IFI16: variants seen among roughly 807,000 people sequenced by gnomAD.
IFI16 encodes gamma-interferon-inducible protein 16.
Under a neutral mutation model 68.4 loss-of-function variants are expected in IFI16, and 49 were observed. That is an observed-to-expected ratio of 0.72 (90% confidence interval 0.57 to 0.91). The LOEUF (loss-of-function observed/expected upper bound fraction) is 0.91. Ranked by LOEUF, IFI16 falls within the 40% of genes least tolerant of loss-of-function variation. The pLI is 0.00. For synonymous variants in IFI16, 307 were observed against 315.0 expected, an observed-to-expected ratio of 0.97 and a Z score of 0.27; for missense variants, 878 against 942.9, an observed-to-expected ratio of 0.93 and a Z score of 0.90.
chr1:159,052,974 G>A (rs1655455392), intron 10 of IFI16: 1 of 152,400 alleles, frequency 6.6e-6, no homozygotes, highest in Non-Finnish European at 1.5e-5. Flanking sequence ...TGGTTGTAGA[G>A]TTAATGAATA....
At chr1:159,051,592 A>G (rs1167950827) in intron 9 of IFI16, 87 bp from the exon 10 acceptor site, 1 of 1,040,990 alleles carries the variant, frequency 9.6e-7, no homozygotes, top group East Asian at 2.4e-5. Flanking sequence ...TTGAGGACCA[A>G]CACTGAGGCT....
At chr1:159,008,212 G>C (rs760501028), upstream of IFI16, among the ~76,000 whole-genome samples, 16 of 152,096 alleles carry the variant, frequency 1.1e-4, no homozygotes, top group Non-Finnish European at 8.8e-5. Flanking sequence ...AATAATGCCT[G>C]ATTAATATAA....
At chr1:159,000,596 A>C (rs539668829) in intron 1 of IFI16, among the ~76,000 whole-genome samples, 18 of 152,334 alleles carry the variant, frequency 1.2e-4, no homozygotes, top group Admixed American at 1.3e-4. Context: ...AGAGTTATTC[A>C]GGCATAACTG....
chr1:159,013,851 A>G (rs981233036), intron 1 of IFI16, among the ~76,000 whole-genome samples: 1 of 152,236 alleles, frequency 6.6e-6, no homozygotes, highest in African/African-American at 2.4e-5. Flanking sequence ...CTTATTCAAC[A>G]CTTTCTGAGA....
At chr1:159,022,088 A>T (rs1374890642) in intron 6 of IFI16, among the ~76,000 whole-genome samples, 11 of 150,864 alleles carry the variant, frequency 7.3e-5, no homozygotes, top group African/African-American at 2.7e-4. Context: ...CTCAGCCTCC[A>T]GAGTAGCTGG....
chr1:159,052,115 G>GT lies in IFI16; in HGVS notation c.2085+21dup. On this transcript the variant is annotated intron_variant, in intron 10 of 11. Coordinates refer to ENST00000295809, the MANE Select transcript of IFI16 (RefSeq NM_001376587.1). ...GTACATAAGGTAAGCCCACACCATT[G>GT]TTTTATAAAATTTCTCCTGCAACCT... is the stretch of plus-strand genomic sequence containing the variant. 6.4e-7 allele frequency: 1 copy of GT among 1,571,160 alleles called. No homozygotes were observed. The highest frequency in any genetic ancestry group is 1.9e-5 in the Admixed American group (1 of 53,820).
rs143006683 is a variant in IFI16 at position 159,043,099 on chromosome 1, A to C, written c.1330-2198A>C. Among the ~76,000 whole-genome samples the C allele has an allele frequency of 6.4e-3, 971 of 152,166 alleles. 14 individuals are homozygous for C. Among genetic ancestry groups the C allele is most frequent in the African/African-American group, 0.022 (923 of 41,508 alleles). ...GGCTTTCTACATGTGGGTTTTCTCAATTTTTTAGACAGTCATTTTTTTGGT... is the reference window on the plus strand; with the variant it reads ...GGCTTTCTACATGTGGGTTTTCTCACTTTTTTAGACAGTCATTTTTTTGGT... On this transcript the variant is annotated intron_variant, in intron 7 of 11. Transcript: ENST00000295809.
At position 159,053,147 on chromosome 1, in the gene IFI16, C is replaced by T. The variant is rs74745194; in HGVS notation, c.2086-386C>T. The T allele has an allele frequency of 5.1e-3, 805 of 158,052 alleles. 8 individuals are homozygous for T. The highest frequency in any genetic ancestry group is 0.018 in the African/African-American group (748 of 41,768). The allele number at this position is 158,052 out of a possible 1,614,324, so 9.8% of individuals were successfully genotyped here. ...CGTGCAACATTCTTTCTCAAACTTACAAAGTGCCATAAAAAGCCTCTATTC... is the reference window on the plus strand; with the variant it reads ...CGTGCAACATTCTTTCTCAAACTTATAAAGTGCCATAAAAAGCCTCTATTC... On this transcript the variant is annotated intron_variant, in intron 10 of 11. Coordinates refer to ENST00000295809, the MANE Select transcript of IFI16 (RefSeq NM_001376587.1).
At chr1:159,050,138 T>A (rs1236828050) in intron 9 of IFI16, among the ~76,000 whole-genome samples, 1 of 152,192 alleles carries the variant, frequency 6.6e-6, no homozygotes, top group Non-Finnish European at 1.5e-5. Context: ...CATTCACATA[T>A]TTTTCCATAA....
Position 159,051,886 on chromosome 1 carries a change from A to G in IFI16, c.1873A>G (p.Thr625Ala). 2.5e-6 allele frequency: 4 copies of G among 1,614,080 alleles called. No homozygotes were observed. The highest frequency in any genetic ancestry group is 3.4e-6 in the Non-Finnish European group (4 of 1,179,946). The change falls in exon 10 of 12, where the codon ACC becomes GCC. Residue 625 changes from threonine to alanine, a missense_variant. Physicochemically the swap from Thr to Ala is moderately conservative, Grantham distance 58 (BLOSUM62 0). This residue lies in a region of IFI16 where 311 missense variants were observed against 305.1 expected (regional missense o/e 1.02). Transcript: ENST00000295809. ...TAATATTGACCTAAAGGAGAAGTTC[A>G]CCCCAAAGAAGATCATTGCCATAGC... ...VFNIDLKEKF[T>A]PKKIIAIANY...
intron 6 of IFI16, among the ~76,000 whole-genome samples, chr1:159,030,876 T>TGGGGGGGGG (rs55744576): frequency 1.3e-5 from 2 of 148,578 alleles, no homozygotes; most frequent in African/African-American, 2.5e-5. Context: ...AGGTGGTGGG[T>TGGGGGGGGG]GGGGGGGCCA....
At chr1:159,027,137 G>A (rs1048077498) in intron 6 of IFI16, among the ~76,000 whole-genome samples, 2 of 152,034 alleles carry the variant, frequency 1.3e-5, no homozygotes. Context: ...ATTTTTCCCT[G>A]ACCAGTATAA....
intron 8 of IFI16, among the ~76,000 whole-genome samples, chr1:159,047,199 C>A (rs565492569): frequency 6.6e-6 from 1 of 151,298 alleles, no homozygotes; most frequent in African/African-American, 2.4e-5. Context: ...GGTTGCGGAC[C>A]CGAGCACCAT....
chr1:159,035,360 A>T (rs1633263), intron 7 of IFI16, among the ~76,000 whole-genome samples: 150,365 of 152,318 alleles, frequency 0.99, 74,244 homozygotes, highest in East Asian at 1. Context: ...TTCAGTGACT[A>T]AAGTGGCATC....
At chr1:159,023,849 T>G (rs1653486600) in intron 6 of IFI16, among the ~76,000 whole-genome samples, 1 of 152,228 alleles carries the variant, frequency 6.6e-6, no homozygotes, top group Admixed American at 6.5e-5. Context: ...CAAATTTTAC[T>G]CTTGCCGTGA....
chr1:159,029,766 C>T (rs1469932646), intron 6 of IFI16, among the ~76,000 whole-genome samples: 5 of 151,618 alleles, frequency 3.3e-5, no homozygotes, highest in African/African-American at 4.9e-5. Flanking sequence ...CTGCAACCTC[C>T]ACCTCCCAGG....
intron 7 of IFI16, among the ~76,000 whole-genome samples, chr1:159,037,188 A>G (rs1434236775): frequency 1.3e-5 from 2 of 152,200 alleles, no homozygotes; most frequent in African/African-American, 4.8e-5. Context: ...AAAGTTCCCA[A>G]TTGCCTAAAT....
intron 6 of IFI16, among the ~76,000 whole-genome samples, chr1:159,025,087 A>C (rs1269389858): frequency 1.3e-5 from 2 of 152,184 alleles, no homozygotes; most frequent in Non-Finnish European, 2.9e-5. Context: ...ACCTGTGCTA[A>C]AAGACTTTTA....
rs1557863992 is a variant in IFI16 at position 159,016,568 on chromosome 1, C to CAACCAAAGA, written c.419_420insCCAAAGAAA (p.Pro139_Lys140insAsnGlnArg). 1.9e-6 allele frequency: 3 copies of CAACCAAAGA among 1,613,582 alleles called. No individual in the cohort carries two copies. Among genetic ancestry groups the CAACCAAAGA allele is most frequent in the African/African-American group, 1.3e-5 (1 of 74,882 alleles). On this transcript the variant is annotated inframe_insertion, in exon 4 of 12. Coordinates refer to ENST00000295809, the MANE Select transcript of IFI16 (RefSeq NM_001376587.1). ...AATCAACCAAAGAAAAGGCTGGACC[C>CAACCAAAGA]AAAGGGAGTAAGGTGTCCGAGGAAC...
Sources: gnomAD v4.1 joint callset for allele counts (sites outside exome capture counted in the v4.1 genomes callset) on GRCh38, gnomAD v4.1.1 for gene constraint, gnomAD v4.1.1 regional missense constraint, MANE v1.5 for transcripts, NCBI Gene and HGNC (gene_info 2026-07-23, HGNC 2026-07-21) for gene names.